Variants in ATP8B4 observed in about 807,000 individuals in gnomAD.
ATP8B4 encodes the protein probable phospholipid-transporting ATPase IM.
ATP8B4 carries 133 observed loss-of-function variants against 145.6 expected under a neutral mutation model. The ratio of observed to expected loss-of-function variants is 0.91; its 90% CI spans 0.79 to 1.05. ATP8B4 has a LOEUF of 1.05. Ranked by LOEUF, ATP8B4 falls within the 50% of genes least tolerant of loss-of-function variation. ATP8B4 has a pLI of 0.00. For missense variants in ATP8B4, 1,458 were observed against 1,425.2 expected, an observed-to-expected ratio of 1.02 and a Z score of -0.37; for synonymous variants, 507 against 492.9, an observed-to-expected ratio of 1.03 and a Z score of -0.38.
At chr15:49,976,400 G>A (rs2045666748) in intron 12 of ATP8B4, among the ~76,000 whole-genome samples, 1 of 130,910 alleles carries the variant, frequency 7.6e-6, no homozygotes, top group Non-Finnish European at 1.5e-5. Flanking sequence ...TTGAGTGTAT[G>A]AATTTTAACT....
At chr15:49,922,087 A>C (rs866101680) in intron 17 of ATP8B4, 18 of 163,008 alleles carry the variant, frequency 1.1e-4, no homozygotes, top group Middle Eastern at 3.1e-3. Context: ...TCAATCCTAA[A>C]TGAGCATTTT....
At chr15:49,870,878 T>C (rs1279670030) in intron 25 of ATP8B4, among the ~76,000 whole-genome samples, 1 of 152,248 alleles carries the variant, frequency 6.6e-6, no homozygotes, top group Non-Finnish European at 1.5e-5. Flanking sequence ...GTTGAAACTC[T>C]GCCATTGAAA....
At position 49,862,732 on chromosome 15, in the gene ATP8B4, G is replaced by A. The variant is rs181482015; in HGVS notation, c.3167-357C>T. On this transcript the variant is annotated intron_variant, in intron 26 of 27. Coordinates refer to ENST00000284509, the MANE Select transcript of ATP8B4 (RefSeq NM_024837.4). ...GGCCTCCCAAAGTGCTAGGATTACA[G>A]GCGTGAGCCACCACGCCTGGCCAAG... Among the ~76,000 whole-genome samples the A allele has an allele frequency of 1.9e-3, 287 of 152,260 alleles. 1 individual carries two copies. The highest frequency in any genetic ancestry group is 6.7e-3 in the African/African-American group (278 of 41,562).
At chr15:50,156,500 C>T (rs2044422281) in intron 1 of ATP8B4, among the ~76,000 whole-genome samples, 1 of 152,048 alleles carries the variant, frequency 6.6e-6, no homozygotes, top group Non-Finnish European at 1.5e-5. Context: ...ATACTCACCC[C>T]CTCTCTTTTT....
At chr15:50,028,559 T>C (rs1299256740) in intron 6 of ATP8B4, among the ~76,000 whole-genome samples, 2 of 152,120 alleles carry the variant, frequency 1.3e-5, no homozygotes, top group South Asian at 4.1e-4. Flanking sequence ...CTCACACACC[T>C]TACCCAGAAG....
intron 24 of ATP8B4, among the ~76,000 whole-genome samples, chr15:49,877,036 A>G (rs2034556446): frequency 6.6e-6 from 1 of 152,196 alleles, no homozygotes; most frequent in Admixed American, 6.5e-5. Flanking sequence ...AGAGCAGGGA[A>G]AAGGGGAAAC....
intron 1 of ATP8B4, among the ~76,000 whole-genome samples, chr15:50,107,556 G>A (rs768825119): frequency 4.0e-5 from 6 of 151,888 alleles, no homozygotes; most frequent in Non-Finnish European, 8.8e-5. Context: ...TTCCCTACAT[G>A]TGGTCTAATT....
intron 2 of ATP8B4, among the ~76,000 whole-genome samples, chr15:50,100,624 A>T (rs11857230): frequency 0.26 from 40,036 of 152,154 alleles, 6,187 homozygotes; most frequent in Middle Eastern, 0.46. Flanking sequence ...AACTGATGTC[A>T]TCTAAAGATG....
chr15:50,166,004 CACA>C (rs2044593285), intron 1 of ATP8B4, among the ~76,000 whole-genome samples: 2 of 151,646 alleles, frequency 1.3e-5, no homozygotes, highest in African/African-American at 4.8e-5. Flanking sequence ...CACACACACA[CACA>C]CCTCATCTAA....
intron 14 of ATP8B4, among the ~76,000 whole-genome samples, chr15:49,936,674 T>C (rs768734742): frequency 4.6e-5 from 7 of 152,126 alleles, no homozygotes; most frequent in Non-Finnish European, 8.8e-5. Context: ...ATTGGAAGAT[T>C]TGGGGAAGTT....
intron 14 of ATP8B4, among the ~76,000 whole-genome samples, chr15:49,935,069 G>A (rs1167336465): frequency 3.9e-5 from 6 of 152,046 alleles, no homozygotes; most frequent in Non-Finnish European, 7.4e-5. Context: ...AAACAATGCT[G>A]TGGGCAATTG....
At chr15:50,085,656 T>C (rs2054855459) in intron 2 of ATP8B4, among the ~76,000 whole-genome samples, 1 of 151,492 alleles carries the variant, frequency 6.6e-6, no homozygotes, top group African/African-American at 2.4e-5. Flanking sequence ...CTCCCAATCA[T>C]CAAACGTGTA....
chr15:49,899,952 C>T (rs2037836318), intron 21 of ATP8B4, among the ~76,000 whole-genome samples: 1 of 152,110 alleles, frequency 6.6e-6, no homozygotes, highest in Admixed American at 6.6e-5. Context: ...TAAATTATCA[C>T]CTGAGTACTC....
intron 1 of ATP8B4, among the ~76,000 whole-genome samples, chr15:50,149,220 C>T (rs1305779284): frequency 3.3e-5 from 5 of 152,112 alleles, no homozygotes; most frequent in Non-Finnish European, 7.4e-5. Context: ...CTAGGTCTGC[C>T]GTAGTGCCCA....
chr15:50,169,499 A>C (rs2044641065), intron 1 of ATP8B4, among the ~76,000 whole-genome samples: 1 of 152,194 alleles, frequency 6.6e-6, no homozygotes, highest in African/African-American at 2.4e-5. Flanking sequence ...TATCAAGGGA[A>C]CACCCTGTGG....
chr15:49,997,661 A>C (rs1331830396), intron 8 of ATP8B4, among the ~76,000 whole-genome samples: 1 of 152,134 alleles, frequency 6.6e-6, no homozygotes, highest in Non-Finnish European at 1.5e-5. Flanking sequence ...AATTTTGTGC[A>C]AACCCGTGAA....
At chr15:49,864,857 C>T (rs2032507271) in intron 26 of ATP8B4, among the ~76,000 whole-genome samples, 1 of 152,108 alleles carries the variant, frequency 6.6e-6, no homozygotes, top group South Asian at 2.1e-4. Context: ...ATAAATTTTC[C>T]ATGAAAATAG....
At position 49,866,479 on chromosome 15, in the gene ATP8B4, G is replaced by T; in HGVS notation, c.3033C>A (p.Ala1011=). ...SLVIVVSVQI[A]LDTSYWTFIN... ...TGAAAGTCCAGTAACTGGTATCCAAGGCTATCTGTAAATAAAATCAAATGC... is the reference window on the plus strand; with the variant it reads ...TGAAAGTCCAGTAACTGGTATCCAATGCTATCTGTAAATAAAATCAAATGC... Residue 1011 remains alanine, a synonymous_variant, in exon 26 of 28, where the codon GCC becomes GCA. Transcript: ENST00000284509. 6.2e-7 allele frequency: 1 copy of T among 1,613,462 alleles called. No individual in the cohort carries two copies.
intron 1 of ATP8B4, among the ~76,000 whole-genome samples, chr15:50,151,033 G>A (rs2044340565): frequency 6.6e-6 from 1 of 152,162 alleles, no homozygotes; most frequent in Non-Finnish European, 1.5e-5. Flanking sequence ...GTGGCATCAG[G>A]TGGTTTTGTA....
Sources: allele counts gnomAD v4.1 joint callset (sites outside exome capture counted in the v4.1 genomes callset), GRCh38; gene constraint gnomAD v4.1.1; transcripts MANE v1.5; gene names NCBI Gene and HGNC (gene_info 2026-07-23, HGNC 2026-07-21).